Variants in PRIM2 observed in about 807,000 individuals in gnomAD.
The protein encoded by PRIM2 is DNA primase subunit 2.
Under a neutral mutation model 67.3 loss-of-function variants are expected in PRIM2, and 39 were observed. The observed-to-expected ratio is 0.58, with a 90% confidence interval of 0.45 to 0.76. The LOEUF is 0.76. PRIM2 is among the 30% of genes least tolerant of loss of function. PRIM2 has a pLI of 0.00. For synonymous variants in PRIM2, 143 were observed against 198.7 expected (o/e 0.72, Z 2.36); for missense variants, 398 against 598.7 (o/e 0.66, Z 3.50).
chr6:57,359,728 C>G (rs1769137555), intron 5 of PRIM2, among the ~76,000 whole-genome samples: 1 of 152,108 alleles, frequency 6.6e-6, no homozygotes, highest in African/African-American at 2.4e-5. Flanking sequence ...ATGAAAGATA[C>G]TATTAACAAT....
chr6:57,319,179 AGGGT>A (rs71861827), intron 2 of PRIM2, among the ~76,000 whole-genome samples: 5,162 of 152,326 alleles, frequency 0.034, 279 homozygotes, highest in African/African-American at 0.12. Context: ...TCAGGAATTC[AGGGT>A]GGATGGAGAA....
intron 7 of PRIM2, among the ~76,000 whole-genome samples, chr6:57,398,249 C>T (rs565242636): frequency 3.3e-5 from 5 of 152,064 alleles, no homozygotes; most frequent in Admixed American, 6.6e-5. Context: ...TGAGCCACCA[C>T]GCCTGGCCAA....
chr6:57,558,698 T>C (rs1325071182), intron 10 of PRIM2, among the ~76,000 whole-genome samples: 1 of 152,164 alleles, frequency 6.6e-6, no homozygotes, highest in Non-Finnish European at 1.5e-5. Flanking sequence ...TATATGGCAG[T>C]TCCTTGATAC....
At chr6:57,516,485 A>T (rs1236423640) in intron 8 of PRIM2, among the ~76,000 whole-genome samples, 1 of 152,210 alleles carries the variant, frequency 6.6e-6, no homozygotes, top group East Asian at 1.9e-4. Context: ...CTTAAAGTTG[A>T]AAAAAGGTAT....
chr6:57,585,214 C>T (rs1209307502), intron 10 of PRIM2, among the ~76,000 whole-genome samples: 4 of 152,104 alleles, frequency 2.6e-5, no homozygotes, highest in Non-Finnish European at 4.4e-5. Context: ...AACAACACAC[C>T]GGGTTTGACC....
chr6:57,305,231 A>G, the PRIM2 span, among the ~76,000 whole-genome samples: 1 of 152,202 alleles, frequency 6.6e-6, no homozygotes, highest in Non-Finnish European at 1.5e-5. Context: ...AAATATTGTG[A>G]TCAGGAATTT....
chr6:57,319,503 G>T (rs892892965), intron 2 of PRIM2, among the ~76,000 whole-genome samples: 1 of 152,210 alleles, frequency 6.6e-6, no homozygotes, highest in African/African-American at 2.4e-5. Flanking sequence ...AGGGAGAAAA[G>T]GGTTTTAGAA....
chr6:57,454,763 G>GT (rs1157320743), intron 7 of PRIM2, among the ~76,000 whole-genome samples: 2 of 151,998 alleles, frequency 1.3e-5, no homozygotes, highest in Non-Finnish European at 2.9e-5. Flanking sequence ...TTTTTGAAGG[G>GT]TTTTTTTGTG....
intron 10 of PRIM2, among the ~76,000 whole-genome samples, chr6:57,539,650 GTGTGTGTATATA>G (rs1463876968): frequency 0.28 from 28,869 of 103,416 alleles, 2,944 homozygotes; most frequent in East Asian, 0.41. Context: ...GTGTGTGTGT[GTGTGTGTATATA>G]TATATATATA....
chr6:57,326,824 T>C (rs924280858), intron 5 of PRIM2, among the ~76,000 whole-genome samples: 22 of 152,038 alleles, frequency 1.4e-4, no homozygotes, highest in African/African-American at 5.3e-4. Flanking sequence ...CATATTGTAA[T>C]TATATAAAAA....
chr6:57,595,031 C>T (rs1776341668), intron 10 of PRIM2, among the ~76,000 whole-genome samples: 1 of 152,176 alleles, frequency 6.6e-6, no homozygotes, highest in Admixed American at 6.5e-5. Flanking sequence ...TGCTCATGAT[C>T]ATTAGTCATC....
chr6:57,514,095 G>A (rs1554347988), intron 8 of PRIM2, among the ~76,000 whole-genome samples: 71 of 152,226 alleles, frequency 4.7e-4, no homozygotes, highest in African/African-American at 1.7e-3. Context: ...TTTTAAAATC[G>A]TTTAAAGTAA....
the PRIM2 span, among the ~76,000 whole-genome samples, chr6:57,286,984 G>A: frequency 6.6e-6 from 1 of 152,226 alleles, no homozygotes; most frequent in Non-Finnish European, 1.5e-5. Context: ...AGACATTTAT[G>A]TGGCCAACAA....
At chr6:57,386,672 G>A (rs1237254762) in intron 7 of PRIM2, among the ~76,000 whole-genome samples, 1 of 150,434 alleles carries the variant, frequency 6.6e-6, no homozygotes, top group African/African-American at 2.5e-5. Context: ...AAAGGAGCAG[G>A]AGGGAAGCGA....
chr6:57,609,309 T>G (rs1273211319), intron 12 of PRIM2, among the ~76,000 whole-genome samples: 1 of 152,216 alleles, frequency 6.6e-6, no homozygotes, highest in Non-Finnish European at 1.5e-5. Flanking sequence ...AGGAAATAGC[T>G]AAGACACAGC....
At chr6:57,542,812 A>C (rs1775190560) in intron 10 of PRIM2, among the ~76,000 whole-genome samples, 1 of 151,862 alleles carries the variant, frequency 6.6e-6, no homozygotes, top group African/African-American at 2.4e-5. Context: ...GACATGTAAT[A>C]AACTAAGGCA....
At chr6:57,548,373 A>G (rs1473656823) in intron 10 of PRIM2, among the ~76,000 whole-genome samples, 5 of 152,160 alleles carry the variant, frequency 3.3e-5, no homozygotes. Flanking sequence ...GAAGTCAGGA[A>G]GGAAAGAAAT....
the PRIM2 span, among the ~76,000 whole-genome samples, chr6:57,250,663 G>A: frequency 6.6e-6 from 1 of 152,082 alleles, no homozygotes; most frequent in Non-Finnish European, 1.5e-5. Context: ...CAGAAGGAAG[G>A]GCATGAGTAA....
chr6:57,519,025 A>G (rs1554348579), intron 8 of PRIM2, among the ~76,000 whole-genome samples: 1 of 152,212 alleles, frequency 6.6e-6, no homozygotes, highest in African/African-American at 2.4e-5. Flanking sequence ...ATCACATGTC[A>G]GTAGGTTCCG....
Sources: gnomAD v4.1 joint callset for allele counts (sites outside exome capture counted in the v4.1 genomes callset) on GRCh38, gnomAD v4.1.1 for gene constraint, MANE v1.5 for transcripts, NCBI Gene and HGNC (gene_info 2026-07-23, HGNC 2026-07-21) for gene names.